Variants in MYO3A observed in about 807,000 individuals in gnomAD.
MYO3A encodes the protein myosin IIIA, also known as myosin-IIIa.
A neutral mutation model predicts 192.7 loss-of-function variants in MYO3A; 180 were observed. That is an observed-to-expected ratio of 0.93 (90% confidence interval 0.83 to 1.06). The LOEUF (loss-of-function observed/expected upper bound fraction) is 1.06. MYO3A is among the 50% of genes least tolerant of loss of function. MYO3A has a pLI of 0.00. For synonymous variants in MYO3A, 628 were observed against 645.3 expected, an observed-to-expected ratio of 0.97 and a Z score of 0.41; for missense variants, 1,896 against 1,905.0, an observed-to-expected ratio of 1.00 and a Z score of 0.09.
chr10:25,987,715 C>T (rs115630395), intron 4 of MYO3A, among the ~76,000 whole-genome samples: 2,286 of 152,088 alleles, frequency 0.015, 70 homozygotes, highest in African/African-American at 0.052. Flanking sequence ...AATAGATGTT[C>T]GCATGGAAGC....
At chr10:26,074,014 C>G (rs182194673) in intron 14 of MYO3A, among the ~76,000 whole-genome samples, 72 of 152,150 alleles carry the variant, frequency 4.7e-4, no homozygotes, top group African/African-American at 1.5e-3. Flanking sequence ...GCTGAGGATA[C>G]ACACTTTGAT....
chr10:26,126,784 T>C (rs925702767), intron 19 of MYO3A, among the ~76,000 whole-genome samples: 1 of 152,160 alleles, frequency 6.6e-6, no homozygotes, highest in Admixed American at 6.5e-5. Context: ...CTATATCCAC[T>C]GTAGCCTATG....
chr10:26,009,235 G>A (rs1454554981), intron 6 of MYO3A, among the ~76,000 whole-genome samples: 2 of 151,088 alleles, frequency 1.3e-5, no homozygotes, highest in South Asian at 4.2e-4. Context: ...TGTGGGGTTG[G>A]GGGAGGGAGG....
chr10:26,117,665 C>T (rs1838596368), intron 17 of MYO3A, among the ~76,000 whole-genome samples: 1 of 152,190 alleles, frequency 6.6e-6, no homozygotes, highest in African/African-American at 2.4e-5. Flanking sequence ...CTGCAAAGGA[C>T]ATGATCTCAT....
chr10:26,054,053 G>A (rs544372752), intron 10 of MYO3A, among the ~76,000 whole-genome samples: 9 of 152,206 alleles, frequency 5.9e-5, no homozygotes, highest in South Asian at 4.2e-4. Flanking sequence ...GAAAGCTAGC[G>A]AGGAGTAATT....
At chr10:26,127,758 A>G (rs1839302020) in intron 19 of MYO3A, among the ~76,000 whole-genome samples, 1 of 40,418 alleles carries the variant, frequency 2.5e-5, no homozygotes. Context: ...ACCAATAGTA[A>G]AAAAAAAAAA....
intron 6 of MYO3A, among the ~76,000 whole-genome samples, chr10:25,997,781 G>A (rs1588734666): frequency 6.6e-6 from 1 of 152,340 alleles, no homozygotes; most frequent in East Asian, 1.9e-4. Context: ...TGAGCAGAAA[G>A]CCAGCTCTGA....
intron 10 of MYO3A, among the ~76,000 whole-genome samples, chr10:26,054,566 G>A (rs1844202095): frequency 6.6e-6 from 1 of 152,154 alleles, no homozygotes; most frequent in Non-Finnish European, 1.5e-5. Flanking sequence ...ATATTACTTT[G>A]CCTGGCAAAA....
chr10:26,165,987 C>A, intron 26 of MYO3A, 80 bp from the exon 27 acceptor site: 2 of 1,170,876 alleles, frequency 1.7e-6, no homozygotes, highest in South Asian at 1.2e-5. Flanking sequence ...AGCCCCTGCA[C>A]TAAGTTGTTG....
chr10:25,983,412 C>A (rs527762440), intron 4 of MYO3A, among the ~76,000 whole-genome samples: 1 of 151,916 alleles, frequency 6.6e-6, no homozygotes, highest in Non-Finnish European at 1.5e-5. Context: ...CCCGCCACCA[C>A]GCCCAGCTAA....
chr10:25,990,574 C>T (rs957333998), intron 4 of MYO3A, among the ~76,000 whole-genome samples: 42 of 151,658 alleles, frequency 2.8e-4, no homozygotes, highest in African/African-American at 9.5e-4. Context: ...AGGTTTGTTA[C>T]ATATGTATAC....
intron 2 of MYO3A, among the ~76,000 whole-genome samples, chr10:25,938,324 G>A (rs370769840): frequency 2.0e-5 from 3 of 152,136 alleles, no homozygotes; most frequent in East Asian, 1.9e-4. Flanking sequence ...AAGTCCCGTC[G>A]GAAGGCAATT....
chr10:26,105,291 C>T (rs1837727269), intron 17 of MYO3A, among the ~76,000 whole-genome samples: 1 of 152,100 alleles, frequency 6.6e-6, no homozygotes, highest in African/African-American at 2.4e-5. Flanking sequence ...GCAAGATTGC[C>T]TTCCAATAGT....
At chr10:26,039,057 T>G (rs1843186000) in intron 10 of MYO3A, among the ~76,000 whole-genome samples, 1 of 148,740 alleles carries the variant, frequency 6.7e-6, no homozygotes, top group South Asian at 2.2e-4. Flanking sequence ...TTGTTTGTTT[T>G]GAGACGGAGT....
intron 6 of MYO3A, among the ~76,000 whole-genome samples, chr10:26,004,056 A>G (rs1697785988): frequency 6.6e-6 from 1 of 152,314 alleles, no homozygotes; most frequent in Middle Eastern, 3.4e-3. Flanking sequence ...ATTTAGAACA[A>G]AAGCCATTGG....
chr10:26,001,336 T>C (rs1172486694), intron 6 of MYO3A, among the ~76,000 whole-genome samples: 1 of 152,138 alleles, frequency 6.6e-6, no homozygotes. Flanking sequence ...AAGTAATTGA[T>C]AATCTGGCTG....
chr10:26,034,055 C>T (rs572613354), intron 10 of MYO3A, among the ~76,000 whole-genome samples: 22 of 152,198 alleles, frequency 1.4e-4, no homozygotes, highest in Admixed American at 9.2e-4. Flanking sequence ...AGTACCCCAT[C>T]GCCAGCTCTT....
At chr10:26,031,559 A>C (rs538144780) in intron 10 of MYO3A, among the ~76,000 whole-genome samples, 3 of 152,362 alleles carry the variant, frequency 2.0e-5, no homozygotes, top group African/African-American at 7.2e-5. Context: ...TGTGAGAGGC[A>C]GAGTCCTACC....
chr10:26,180,972 A>G lies in MYO3A; in HGVS notation c.4438+4127A>G, dbSNP rs573783977. Among the ~76,000 whole-genome samples, 10 of 152,268 alleles carry G rather than the reference A, an allele frequency of 6.6e-5. No homozygotes were observed. In the South Asian group the frequency reaches 2.1e-3, roughly 32 times the overall value. On this transcript the variant is annotated intron_variant, in intron 31 of 34. Transcript: ENST00000642920. ...GAGAAAAAAAGAATAACTATAAATG[A>G]GGACTTATTCATTAGATAGTAAAAT...
Sources: allele counts gnomAD v4.1 joint callset (sites outside exome capture counted in the v4.1 genomes callset), GRCh38; gene constraint gnomAD v4.1.1; transcripts MANE v1.5; gene names NCBI Gene and HGNC (gene_info 2026-07-23, HGNC 2026-07-21).